NXN: variants seen among roughly 807,000 people sequenced by gnomAD.
NXN encodes the protein nucleoredoxin, also known as nucleoredoxin 1.
A neutral mutation model predicts 48.6 loss-of-function variants in NXN; 16 were observed. The ratio of observed to expected loss-of-function variants is 0.33; its 90% CI spans 0.22 to 0.50. The LOEUF is 0.50. NXN is among the 20% of genes least tolerant of loss of function. The pLI, the probability that NXN is intolerant of heterozygous loss-of-function variation, is 0.98. For missense variants in NXN, 492 were observed against 605.5 expected (o/e 0.81, Z 1.97); for synonymous variants, 281 against 269.6 (o/e 1.04, Z -0.41).
chr17:897,059 G>C (rs533564696), intron 1 of NXN: 11 of 1,072,822 alleles, frequency 1.0e-5, no homozygotes, highest in Non-Finnish European at 1.1e-5. Context: ...TCACACACGC[G>C]TGAGCTTTGA....
intron 1 of NXN, among the ~76,000 whole-genome samples, chr17:928,202 G>C (rs1480262545): frequency 6.6e-6 from 1 of 152,172 alleles, no homozygotes; most frequent in African/African-American, 2.4e-5. Flanking sequence ...AGAGCACAGA[G>C]TCCAGGCAGC....
intron 1 of NXN, among the ~76,000 whole-genome samples, chr17:853,631 C>T (rs1358559737): frequency 6.6e-6 from 1 of 150,918 alleles, no homozygotes; most frequent in Non-Finnish European, 1.5e-5. Context: ...CAAGTTTAGA[C>T]CAGGTGCTGT....
chr17:805,173 C>T lies in NXN; in HGVS notation c.895G>A (p.Asp299Asn). The T allele has an allele frequency of 2.5e-6, 4 of 1,610,178 alleles. No individual in the cohort carries two copies. Among genetic ancestry groups the T allele is most frequent in the Non-Finnish European group, 3.4e-6 (4 of 1,178,908 alleles). The part of the protein sequence containing the change: ...TRQGRVEVLN[D>N]EDCREFPWHP... The stretch of plus-strand genomic sequence containing the variant: ...CAGGGGAACTCCCGGCAGTCCTCGT[C>T]GTTCAGCACCTCCACCCGCCCCTGC... The change falls in exon 6 of 8, where the codon GAC becomes AAC. Residue 299 changes from aspartate to asparagine, a missense_variant. Coordinates refer to ENST00000336868, the MANE Select transcript of NXN (RefSeq NM_022463.5).
chr17:879,082 T>G (rs975178727), intron 1 of NXN, among the ~76,000 whole-genome samples: 3 of 151,664 alleles, frequency 2.0e-5, no homozygotes, highest in Admixed American at 6.6e-5. Flanking sequence ...GGAGAATCAC[T>G]TGAACCCGGG....
At chr17:803,546 TTGTC>T (rs1390759784) in intron 7 of NXN, 132 bp downstream of exon 7, 29 of 1,075,284 alleles carry the variant, frequency 2.7e-5, no homozygotes, top group Admixed American at 6.7e-5. Flanking sequence ...CTTGCCACAT[TTGTC>T]TGTGGGCTCT....
chr17:931,310 G>T (rs560051259), intron 1 of NXN, among the ~76,000 whole-genome samples: 1 of 150,458 alleles, frequency 6.6e-6, no homozygotes, highest in Admixed American at 6.7e-5. Context: ...AAAATTAGCT[G>T]GGTGTGGTGG....
intron 1 of NXN, chr17:930,035 G>A (rs948205437): frequency 4.6e-5 from 7 of 151,754 alleles, no homozygotes; most frequent in South Asian, 2.1e-4. Context: ...GGAAAGTACC[G>A]AAGAAAGTTC....
At chr17:923,309 G>A (rs766366696) in intron 1 of NXN, among the ~76,000 whole-genome samples, 15 of 152,046 alleles carry the variant, frequency 9.9e-5, no homozygotes, top group East Asian at 1.9e-4. Context: ...AAATAACCAC[G>A]TTGGTGCAAT....
Position 932,640 on chromosome 17 carries a change from G to T in NXN, c.360+46679C>A, listed in dbSNP as rs1336327026. Among the ~76,000 whole-genome samples, 1 of 152,122 alleles carries T rather than the reference G, an allele frequency of 6.6e-6. No homozygotes were observed. Among genetic ancestry groups the T allele is most frequent in the Non-Finnish European group, 1.5e-5 (1 of 68,028 alleles). Reference sequence around the variant, plus strand: ...CCCCTGCCCTGTGTGAGCTCTAGTGGGGTCAGCAGCAAGGACCCATCACCG... The same window carrying T: ...CCCCTGCCCTGTGTGAGCTCTAGTGTGGTCAGCAGCAAGGACCCATCACCG... On this transcript the variant is annotated intron_variant, in intron 1 of 7. Transcript: ENST00000336868. This position sits in a 1 kb window ranked among gnomAD's most constrained non-coding sequence, Gnocchi z 4.1.
In NXN at chr17:841,419, GCGC is replaced by G. The variant is rs1276585005; in HGVS notation, c.361-15344_361-15342del. On this transcript the variant is annotated intron_variant, in intron 1 of 7. Transcript: ENST00000336868. Reference sequence around the variant, plus strand: ...GGCGAGCAGGTCCCCCCTGACCACGGCGCATCTCACACGGGCGAGCAGGTCCCC... The same window carrying G: ...GGCGAGCAGGTCCCCCCTGACCACGGATCTCACACGGGCGAGCAGGTCCCC... 9.1e-4 allele frequency among the ~76,000 whole-genome samples: 112 copies of G among 123,374 alleles called. 4 individuals are homozygous for G. Among genetic ancestry groups the G allele is most frequent in the Middle Eastern group, 4.6e-3 (1 of 216 alleles). The allele number at this position is 123,374 out of a possible 152,430, so 80.9% of individuals were successfully genotyped here.
At chr17:806,149 A>C (rs1911496462) in intron 5 of NXN, among the ~76,000 whole-genome samples, 1 of 107,826 alleles carries the variant, frequency 9.3e-6, no homozygotes, top group Non-Finnish European at 1.9e-5. Flanking sequence ...CCCGCTCCCC[A>C]GGGCTGCAGC....
chr17:896,856 C>CCGGCGGG, intron 1 of NXN: 1 of 1,156,932 alleles, frequency 8.6e-7, no homozygotes, highest in Non-Finnish European at 1.1e-6. Context: ...CGGTCCTGAC[C>CCGGCGGG]ACCCGCCCCC....
chr17:976,455 A>G (rs1039279644), intron 1 of NXN, among the ~76,000 whole-genome samples: 1 of 152,220 alleles, frequency 6.6e-6, no homozygotes, highest in African/African-American at 2.4e-5. Flanking sequence ...CTTAAAGAAC[A>G]AATGTTAATG....
intron 1 of NXN, among the ~76,000 whole-genome samples, chr17:951,561 G>C (rs1366871699): frequency 6.6e-6 from 1 of 151,682 alleles, no homozygotes; most frequent in Non-Finnish European, 1.5e-5. Context: ...TGCGAGCTGG[G>C]GGCGGGGGCG....
At chr17:876,202 A>G (rs1421808445) in intron 1 of NXN, among the ~76,000 whole-genome samples, 1 of 151,604 alleles carries the variant, frequency 6.6e-6, no homozygotes, top group Non-Finnish European at 1.5e-5. Flanking sequence ...AAAAAAAGAA[A>G]AGAAAGAAAA....
chr17:908,944 A>G (rs566635449), intron 1 of NXN, among the ~76,000 whole-genome samples: 4 of 152,186 alleles, frequency 2.6e-5, no homozygotes, highest in African/African-American at 9.6e-5. Flanking sequence ...CTCTACTAAA[A>G]CTACAAAACA....
intron 7 of NXN, 110 bp from the exon 8 acceptor site, chr17:801,241 G>A (rs755723852): frequency 2.7e-5 from 20 of 739,304 alleles, no homozygotes; most frequent in Non-Finnish European, 3.2e-5. Flanking sequence ...CTGAAGAGCC[G>A]GCGTTTCCCA....
At chr17:888,897 G>A (rs1025168382) in intron 1 of NXN, among the ~76,000 whole-genome samples, 10 of 150,564 alleles carry the variant, frequency 6.6e-5, no homozygotes, top group Admixed American at 1.3e-4. Context: ...GGAGGTTGCT[G>A]TGAGCTGAGA....
At chr17:916,457 G>T (rs1044282640) in intron 1 of NXN, among the ~76,000 whole-genome samples, 1 of 152,074 alleles carries the variant, frequency 6.6e-6, no homozygotes, top group African/African-American at 2.4e-5. Context: ...CTAAAAAAAA[G>T]GAAAATAAAT....
Sources: allele counts gnomAD v4.1 joint callset (sites outside exome capture counted in the v4.1 genomes callset), GRCh38; gene constraint gnomAD v4.1.1; non-coding constraint Gnocchi (gnomAD v3.1); transcripts MANE v1.5; gene names NCBI Gene and HGNC (gene_info 2026-07-23, HGNC 2026-07-21).